Variants in ADNP observed in about 807,000 individuals in gnomAD.
ADNP encodes activity dependent neuroprotector homeobox, also known as activity-dependent neuroprotector homeobox protein.
In ADNP, 4 loss-of-function variants were observed where a neutral mutation model predicts 84.9. The observed-to-expected ratio is 0.05, with a 90% CI of 0.02 to 0.11. ADNP has a LOEUF of 0.11. Ranked by LOEUF, ADNP falls within the 10% of genes least tolerant of loss-of-function variation. The pLI is 1.00. For missense variants in ADNP, 1,132 were observed against 1,326.0 expected, an observed-to-expected ratio of 0.85 and a Z score of 2.27; for synonymous variants, 554 against 468.1, an observed-to-expected ratio of 1.18 and a Z score of -2.37.
chr20:50,921,100 A>G (rs1983929885), intron 2 of ADNP, among the ~76,000 whole-genome samples: 1 of 152,212 alleles, frequency 6.6e-6, no homozygotes, highest in South Asian at 2.1e-4. Flanking sequence ...AAATGAGATG[A>G]TGCAAGTTAA....
At chr20:50,920,095 G>A (rs1280486849) in intron 2 of ADNP, among the ~76,000 whole-genome samples, 4 of 150,202 alleles carry the variant, frequency 2.7e-5, no homozygotes, top group African/African-American at 9.8e-5. Flanking sequence ...TGGCGAATAT[G>A]GTGAAACCCC....
chr20:50,914,521 A>C, intron 2 of ADNP: 1 of 269,840 alleles, frequency 3.7e-6, no homozygotes. Flanking sequence ...TCTTATAAAC[A>C]TGTTGACTAT....
At chr20:50,910,914 A>G (rs566666785) in intron 2 of ADNP, among the ~76,000 whole-genome samples, 2 of 152,276 alleles carry the variant, frequency 1.3e-5, no homozygotes, top group South Asian at 2.1e-4. Flanking sequence ...TCGGCCCCGC[A>G]AAGTGTTGGG....
chr20:50,913,142 A>G (rs1050643435), intron 2 of ADNP, among the ~76,000 whole-genome samples: 2 of 150,978 alleles, frequency 1.3e-5, no homozygotes, highest in Non-Finnish European at 3.0e-5. Context: ...AATCCCAGCT[A>G]TTTGGGAGGC....
chr20:50,931,249 CCGGGGGGGGGGGGG>C lies in ADNP; in HGVS notation c.-702_-689del, dbSNP rs1041400146. Reference sequence around the variant, plus strand: ...GGGAGGGGGCACAAGATGGCGGCGGCCGGGGGGGGGGGGGCGGGAGTTCAGCTCATGGATCCCGG... The same window carrying C: ...GGGAGGGGGCACAAGATGGCGGCGGCCGGGAGTTCAGCTCATGGATCCCGG... On this transcript the variant is annotated 5_prime_UTR_variant, in exon 1 of 6. Transcript: ENST00000621696. 8.4e-5 allele frequency: 1 copy of C among 11,972 alleles called. No individual in the cohort carries two copies. The highest frequency in any genetic ancestry group is 1.5e-4 in the Non-Finnish European group (1 of 6,562). The allele number at this position is 11,972 out of a possible 1,614,324, so 0.7% of individuals were successfully genotyped here.
intron 2 of ADNP, among the ~76,000 whole-genome samples, chr20:50,916,913 G>T (rs961693031): frequency 6.6e-6 from 1 of 152,136 alleles, no homozygotes; most frequent in Non-Finnish European, 1.5e-5. Flanking sequence ...CAGGCCTTAG[G>T]AAAGTCAAAA....
chr20:50,909,975 C>A (rs1313817998), intron 2 of ADNP, among the ~76,000 whole-genome samples: 1 of 152,168 alleles, frequency 6.6e-6, no homozygotes, highest in Admixed American at 6.5e-5. Flanking sequence ...CTATGCCAGC[C>A]TTTTCCAATA....
At chr20:50,927,394 G>A (rs6067592) in intron 2 of ADNP, among the ~76,000 whole-genome samples, 1 of 152,028 alleles carries the variant, frequency 6.6e-6, no homozygotes, top group Non-Finnish European at 1.5e-5. Flanking sequence ...GCTAGTCTCA[G>A]GAAATTTTTC....
Position 50,890,150 on chromosome 20 carries a change from A to ATTTTTTTTTTTTTTTT in ADNP, c.*1254_*1255insAAAAAAAAAAAAAAAA. 1 of 261,620 alleles carries ATTTTTTTTTTTTTTTT rather than the reference A, an allele frequency of 3.8e-6. No individual in the cohort carries two copies. The highest frequency in any genetic ancestry group is 2.6e-5 in the African/African-American group (1 of 38,036). 16.2% of individuals were successfully genotyped at this position (261,620 alleles called of 1,614,324 possible). ...TTCAGTTAAAAAAAAAAAAAAAAAA[A>ATTTTTTTTTTTTTTTT]AAAAAAAAAAAGAAAAACAGATTTT... On this transcript the variant is annotated 3_prime_UTR_variant, in exon 6 of 6. Coordinates refer to ENST00000621696, the MANE Select transcript of ADNP (RefSeq NM_001282531.3).
intron 2 of ADNP, among the ~76,000 whole-genome samples, chr20:50,919,584 A>G (rs990579808): frequency 6.6e-6 from 1 of 152,112 alleles, no homozygotes; most frequent in African/African-American, 2.4e-5. Flanking sequence ...CATCCAATAA[A>G]TATTTGCAGT....
At position 50,928,393 on chromosome 20, in the gene ADNP, T is replaced by C. The variant is rs557611944; in HGVS notation, c.-90+258A>G. On this transcript the variant is annotated intron_variant, in intron 2 of 5. Coordinates refer to ENST00000621696, the MANE Select transcript of ADNP (RefSeq NM_001282531.3). ...CAAAGTAATAGTAACTGAATACTTA[T>C]ACTTTATACAAAGGGGTGTAGAATG... is the stretch of plus-strand genomic sequence containing the variant. Among the ~76,000 whole-genome samples the C allele has an allele frequency of 1.4e-3, 216 of 152,344 alleles. 1 individual carries two copies. Among genetic ancestry groups the C allele is most frequent in the African/African-American group, 5.0e-3 (208 of 41,576 alleles).
At chr20:50,924,246 T>C (rs1984145285) in intron 2 of ADNP, among the ~76,000 whole-genome samples, 3 of 152,262 alleles carry the variant, frequency 2.0e-5, no homozygotes, top group Admixed American at 2.0e-4. Flanking sequence ...TTTTAGATTC[T>C]TATACAGTTA....
chr20:50,896,043 G>A (rs568773582), intron 5 of ADNP, among the ~76,000 whole-genome samples: 2 of 151,912 alleles, frequency 1.3e-5, no homozygotes, highest in Non-Finnish European at 2.9e-5. Flanking sequence ...TGACCAACAT[G>A]GTGAAACCCT....
rs150489825 is a variant in ADNP at position 50,890,131 on chromosome 20, T to TAAAAAAAAA, written c.*1265_*1273dup. 64 of 81,106 alleles carry TAAAAAAAAA rather than the reference T, an allele frequency of 7.9e-4. No individual in the cohort carries two copies. Among genetic ancestry groups the TAAAAAAAAA allele is most frequent in the Admixed American group, 1.4e-3 (7 of 4,898 alleles). The allele number at this position is 81,106 out of a possible 1,614,324, so 5.0% of individuals were successfully genotyped here. ...AACTCAAGGGTGTTTGTTTTTCAGT[T>TAAAAAAAAA]AAAAAAAAAAAAAAAAAAAAAAAAA... On this transcript the variant is annotated 3_prime_UTR_variant, in exon 6 of 6. Transcript: ENST00000621696.
At position 50,892,856 on chromosome 20, in the gene ADNP, C is replaced by T. The variant is rs1160632286; in HGVS notation, c.1858G>A (p.Gly620Arg). 6.2e-7 allele frequency: 1 copy of T among 1,614,182 alleles called. No homozygotes were observed. Among genetic ancestry groups the T allele is most frequent in the Admixed American group, 1.7e-5 (1 of 60,022 alleles). ...QAAVPYKKDVGKTLCPLCFSI... is the reference protein window; with the variant it reads ...QAAVPYKKDVRKTLCPLCFSI... ...AAGCAAAGAGGACAAAGGGTTTTCC[C>T]AACATCTTTTTTATAGGGCACTGCA... is the stretch of plus-strand genomic sequence containing the variant. The change falls in exon 6 of 6, where the codon GGG becomes AGG. Residue 620 changes from glycine to arginine, a missense_variant. Transcript: ENST00000621696.
In ADNP at chr20:50,894,137, C is replaced by T; in HGVS notation, c.577G>A (p.Ala193Thr). 1 of 1,614,166 alleles carries T rather than the reference C, an allele frequency of 6.2e-7. No homozygotes were observed. Among genetic ancestry groups the T allele is most frequent in the Non-Finnish European group, 8.5e-7 (1 of 1,180,024 alleles). The change falls in exon 6 of 6, where the codon GCA (alanine) becomes ACA (threonine). Residue 193 changes from alanine (A) to threonine (T), a missense_variant. By Grantham distance (58) the Ala-to-Thr change is moderately conservative (BLOSUM62 0). Coordinates refer to ENST00000621696, the MANE Select transcript of ADNP (RefSeq NM_001282531.3). ...CCTGCCTTTGCTATGTAAGGTGCTG[C>T]CACATGCTGAAAATGTTCCCTGTAA... ...HIYREHFQHV[A>T]APYIAKAGEK... is the part of the protein sequence containing the mutation.
chr20:50,918,777 A>T (rs1983705115), intron 2 of ADNP, among the ~76,000 whole-genome samples: 1 of 152,230 alleles, frequency 6.6e-6, no homozygotes, highest in Non-Finnish European at 1.5e-5. Context: ...ACAAGAGGAG[A>T]GGTCCTGGGA....
chr20:50,891,232 A>C lies in ADNP; in HGVS notation c.*173T>G. Reference sequence around the variant, plus strand: ...CTGTCAGAGAAGGTTCTGAAGCAAGAACAGCCTGTCCTGTCATAGACTTAG... The same window carrying C: ...CTGTCAGAGAAGGTTCTGAAGCAAGCACAGCCTGTCCTGTCATAGACTTAG... On this transcript the variant is annotated 3_prime_UTR_variant, in exon 6 of 6. Coordinates refer to ENST00000621696, the MANE Select transcript of ADNP (RefSeq NM_001282531.3). The C allele has an allele frequency of 1.5e-6, 2 of 1,358,080 alleles. No individual in the cohort carries two copies. The highest frequency in any genetic ancestry group is 1.9e-6 in the Non-Finnish European group (2 of 1,061,672). The allele number at this position is 1,358,080 out of a possible 1,614,324, so 84.1% of individuals were successfully genotyped here.
chr20:50,908,057 G>A (rs1328531360), intron 2 of ADNP, among the ~76,000 whole-genome samples: 2 of 151,752 alleles, frequency 1.3e-5, no homozygotes, highest in Non-Finnish European at 2.9e-5. Flanking sequence ...TTTGTTCATG[G>A]AGATCATTTC....
Sources: allele counts gnomAD v4.1 joint callset (sites outside exome capture counted in the v4.1 genomes callset), GRCh38; gene constraint gnomAD v4.1.1; transcripts MANE v1.5; gene names NCBI Gene and HGNC (gene_info 2026-07-23, HGNC 2026-07-21).